The following NUP133 variants were observed in gnomAD, a reference collection of about 807,000 sequenced individuals.
The protein encoded by NUP133 is nucleoporin 133.
NUP133 carries 66 observed loss-of-function variants against 146.2 expected under a neutral mutation model. The observed-to-expected ratio is 0.45, with a 90% CI of 0.37 to 0.55. The LOEUF is 0.55. Among genes scored for constraint, NUP133 ranks in the 20% least tolerant of loss-of-function variants. The probability of loss-of-function intolerance (pLI) is 0.00; values close to 1 mark genes in which losing one functional copy is unlikely to be tolerated. For missense variants in NUP133, 1,277 were observed against 1,374.8 expected (o/e 0.93, Z 1.12); for synonymous variants, 521 against 498.8 (o/e 1.04, Z -0.59).
At chr1:229,447,409 C>A (rs1303824997) in intron 24 of NUP133, among the ~76,000 whole-genome samples, 1 of 151,742 alleles carries the variant, frequency 6.6e-6, no homozygotes, top group African/African-American at 2.4e-5. Flanking sequence ...ATTTGGTCTT[C>A]TTCTTCACCC....
intron 19 of NUP133, among the ~76,000 whole-genome samples, chr1:229,461,422 G>C (rs1283813563): frequency 6.6e-6 from 1 of 152,220 alleles, no homozygotes; most frequent in East Asian, 1.9e-4. Context: ...ATCCTGCCAT[G>C]AAAGACTTCT....
intron 12 of NUP133, among the ~76,000 whole-genome samples, chr1:229,483,555 A>AT (rs2102772105): frequency 6.6e-6 from 1 of 152,244 alleles, no homozygotes; most frequent in Non-Finnish European, 1.5e-5. Context: ...AAATAAAAAA[A>AT]TTAGCTAGGT....
intron 21 of NUP133, among the ~76,000 whole-genome samples, chr1:229,455,949 C>A (rs561444480): frequency 2.0e-5 from 3 of 152,264 alleles, no homozygotes; most frequent in African/African-American, 7.2e-5. Flanking sequence ...TCAAGAATCT[C>A]GCTCTGCATT....
chr1:229,483,507 C>T (rs1375354216), intron 12 of NUP133, among the ~76,000 whole-genome samples: 1 of 151,954 alleles, frequency 6.6e-6, no homozygotes. Flanking sequence ...GAGTTTGAGA[C>T]TAGCCTGGCC....
intron 20 of NUP133, among the ~76,000 whole-genome samples, 199 bp downstream of exon 20, chr1:229,460,410 CAA>C (rs1406520438): frequency 6.6e-6 from 1 of 152,174 alleles, no homozygotes; most frequent in Non-Finnish European, 1.5e-5. Context: ...CTCCTGCACT[CAA>C]GAGATCCACC....
intron 20 of NUP133, 77 bp from the exon 21 acceptor site, chr1:229,458,373 CTTGT>C: frequency 6.7e-7 from 1 of 1,482,810 alleles, no homozygotes; most frequent in Non-Finnish European, 9.2e-7. Flanking sequence ...AAACCCCAAA[CTTGT>C]TTTTCTCCCC....
chr1:229,468,380 A>C (rs1571917803), intron 15 of NUP133, among the ~76,000 whole-genome samples: 4 of 152,230 alleles, frequency 2.6e-5, no homozygotes, highest in African/African-American at 7.2e-5. Context: ...TCTTTTCATG[A>C]TCATTATGAC....
intron 2 of NUP133, 60 bp from the exon 3 acceptor site, chr1:229,502,162 C>A: frequency 1.6e-6 from 2 of 1,275,318 alleles, no homozygotes; most frequent in Non-Finnish European, 2.3e-6. Context: ...TTACCACACG[C>A]TTTATCAAAA....
rs758409194 is a variant in NUP133 at position 229,477,711 on chromosome 1, G to A, written c.1642C>T (p.His548Tyr). The A allele has an allele frequency of 6.2e-7, 1 of 1,613,910 alleles. No homozygotes were observed. Among genetic ancestry groups the A allele is most frequent in the South Asian group, 1.1e-5 (1 of 91,066 alleles). The change falls in exon 13 of 26, where the codon CAC becomes TAC. Residue 548 changes from histidine (H) to tyrosine (Y), a missense_variant. Coordinates refer to ENST00000261396, the MANE Select transcript of NUP133 (RefSeq NM_018230.3). ...QMVVDELFSSHSDLDSDSELD... is the reference protein window; with the variant it reads ...QMVVDELFSSYSDLDSDSELD... ...TCAGAATCAGAATCCAAATCAGAGT[G>A]AGAGGAAAAGAGCTCATCAACCACC...
In NUP133 at chr1:229,508,099, G is replaced by A. The variant is rs747949713; in HGVS notation, c.151C>T (p.Pro51Ser). ...SAVSSPVLFS[P>S]VGRRSSLSSR... The stretch of plus-strand genomic sequence containing the variant: ...CTTAGCGAGCTACGCCGGCCGACCG[G>A]CGAGAAGAGCACTGGGGAGCTGACT... The change falls in exon 1 of 26, where the codon CCG (proline) becomes TCG (serine). Residue 51 changes from proline (P) to serine (S), a missense_variant. Physicochemically the swap from Pro to Ser is moderately conservative, Grantham distance 74 (BLOSUM62 -1). This residue lies in a region of NUP133 where 319 missense variants were observed against 306.9 expected (regional missense o/e 1.04). Coordinates refer to ENST00000261396, the MANE Select transcript of NUP133 (RefSeq NM_018230.3). 1.4e-5 allele frequency: 21 copies of A among 1,513,436 alleles called. No homozygotes were observed. The highest frequency in any genetic ancestry group is 1.3e-5 in the Non-Finnish European group (15 of 1,129,272). The allele number at this position is 1,513,436 out of a possible 1,614,324, so 93.8% of individuals were successfully genotyped here.
At chr1:229,451,824 C>G (rs919756400) in intron 22 of NUP133, among the ~76,000 whole-genome samples, 2 of 152,214 alleles carry the variant, frequency 1.3e-5, no homozygotes, top group South Asian at 2.1e-4. Context: ...ATTAATAATG[C>G]ATTAGAGTAA....
chr1:229,443,262 A>G (rs1660224130), intron 25 of NUP133, among the ~76,000 whole-genome samples: 1 of 148,896 alleles, frequency 6.7e-6, no homozygotes, highest in African/African-American at 2.5e-5. Context: ...CTGGTCTTGA[A>G]CTCCTGAGCT....
intron 14 of NUP133, among the ~76,000 whole-genome samples, chr1:229,471,511 T>C (rs553369321): frequency 1.3e-5 from 2 of 152,298 alleles, no homozygotes; most frequent in South Asian, 4.1e-4. Context: ...CAAGGACTGA[T>C]TTCCATACCC....
chr1:229,447,953 T>C (rs1660349322), intron 24 of NUP133, among the ~76,000 whole-genome samples: 1 of 152,056 alleles, frequency 6.6e-6, no homozygotes, highest in African/African-American at 2.4e-5. Context: ...CAGGATGTGG[T>C]AAAGAAGCCA....
chr1:229,498,180 C>T lies in NUP133; in HGVS notation c.775G>A (p.Val259Ile). 1.2e-6 allele frequency: 2 copies of T among 1,612,270 alleles called. No individual in the cohort carries two copies. Among genetic ancestry groups the T allele is most frequent in the Non-Finnish European group, 1.7e-6 (2 of 1,179,440 alleles). Residue 259 changes from valine (V) to isoleucine (I), a missense_variant, in exon 6 of 26, where the codon GTT becomes ATT. Around this residue, in one of 3 missense-constraint regions of NUP133, gnomAD observed 6 missense variants for 20.9 expected, o/e 0.29. Coordinates refer to ENST00000261396, the MANE Select transcript of NUP133 (RefSeq NM_018230.3). Reference protein sequence around the residue: ...QGMLSGIGRKVSSLFGILSPS... With the variant: ...QGMLSGIGRKISSLFGILSPS... The stretch of plus-strand genomic sequence containing the variant: ...GATAAAATTCCAAAAAGAGAAGAAA[C>T]TTTTCGACCAATTCCTGAAAGCATG...
chr1:229,486,424 C>T lies in NUP133; in HGVS notation c.1447G>A (p.Ala483Thr), dbSNP rs757897194. 6 of 1,609,788 alleles carry T rather than the reference C, an allele frequency of 3.7e-6. No homozygotes were observed. In the Admixed American group the frequency reaches 6.8e-5, roughly 18 times the overall value. Residue 483 changes from alanine (A) to threonine (T), a missense_variant, in exon 11 of 26, where the codon GCA becomes ACA. By Grantham distance (58) the Ala-to-Thr change is moderately conservative. Coordinates refer to ENST00000261396, the MANE Select transcript of NUP133 (RefSeq NM_018230.3). ...ITSRENVSIL[A>T]EDLEGSLASS... ...GCTAAAGACCCTTCCAAGTCTTCTGCCAATATAGACACATTTTCCCTTGAA... is the reference window on the plus strand; with the variant it reads ...GCTAAAGACCCTTCCAAGTCTTCTGTCAATATAGACACATTTTCCCTTGAA...
At chr1:229,502,227 T>C (rs142007700) in intron 2 of NUP133, 125 bp from the exon 3 acceptor site, 5 of 649,948 alleles carry the variant, frequency 7.7e-6, no homozygotes, top group African/African-American at 7.3e-5. Flanking sequence ...CTTTTGAATA[T>C]TCCAAAATTA....
At chr1:229,460,043 TA>T (rs1289632276) in intron 20 of NUP133, among the ~76,000 whole-genome samples, 7 of 152,198 alleles carry the variant, frequency 4.6e-5, no homozygotes, top group Admixed American at 6.5e-5. Context: ...ACCTTTTTGG[TA>T]ACAGCCATTC....
chr1:229,463,160 A>T (rs1660729545), intron 19 of NUP133, among the ~76,000 whole-genome samples: 3 of 152,078 alleles, frequency 2.0e-5, no homozygotes, highest in Non-Finnish European at 4.4e-5. Flanking sequence ...AGGCTGAAGC[A>T]GGAGGATCGC....
Sources: allele counts gnomAD v4.1 joint callset (sites outside exome capture counted in the v4.1 genomes callset), GRCh38; gene constraint gnomAD v4.1.1; regional missense constraint gnomAD v4.1.1; transcripts MANE v1.5; gene names NCBI Gene and HGNC (gene_info 2026-07-23, HGNC 2026-07-21).